Variants in FAT4 observed in about 807,000 individuals in gnomAD.
FAT4 encodes FAT atypical cadherin 4.
A neutral mutation model predicts 303.9 loss-of-function variants in FAT4; 84 were observed. That is an observed-to-expected ratio of 0.28 (90% confidence interval 0.23 to 0.33). The LOEUF is 0.33. Ranked by LOEUF, FAT4 falls within the 10% of genes least tolerant of loss-of-function variation. The pLI is 1.00. For synonymous variants in FAT4, 2,307 were observed against 2,298.8 expected, an observed-to-expected ratio of 1.00 and a Z score of -0.10; for missense variants, 6,005 against 6,146.8, an observed-to-expected ratio of 0.98 and a Z score of 0.77.
At position 125,381,208 on chromosome 4, in the gene FAT4, A is replaced by G. The variant is rs74479555; in HGVS notation, c.5176-17576A>G. Among the ~76,000 whole-genome samples, 124 of 152,302 alleles carry G rather than the reference A, an allele frequency of 8.1e-4. 1 individual carries two copies. In the East Asian group the frequency reaches 8.9e-3, roughly 11 times the overall value. On this transcript the variant is annotated intron_variant, in intron 2 of 17. Coordinates refer to ENST00000394329, the MANE Select transcript of FAT4 (RefSeq NM_001291303.3). ...GTCTCTTGGTATGTGAGTAGAAGAG[A>G]CAAAAAGAAAAAACTAATAATACAG...
At chr4:125,438,751 T>A (rs1725545153) in intron 8 of FAT4, among the ~76,000 whole-genome samples, 1 of 152,220 alleles carries the variant, frequency 6.6e-6, no homozygotes, top group South Asian at 2.1e-4. Flanking sequence ...TGATAAAATC[T>A]TAATGGAATA....
intron 2 of FAT4, among the ~76,000 whole-genome samples, chr4:125,322,563 G>T (rs1433114815): frequency 3.3e-5 from 5 of 152,066 alleles, no homozygotes; most frequent in African/African-American, 1.2e-4. Flanking sequence ...ACATTCTAGT[G>T]TCAGTCAGCC....
intron 2 of FAT4, among the ~76,000 whole-genome samples, chr4:125,323,022 C>A (rs1238949300): frequency 6.6e-6 from 1 of 152,062 alleles, no homozygotes. Context: ...TTGAAGTTAT[C>A]CATCTTCTAA....
chr4:125,354,486 C>T (rs767917227), intron 2 of FAT4, among the ~76,000 whole-genome samples: 2 of 151,566 alleles, frequency 1.3e-5, no homozygotes, highest in African/African-American at 4.8e-5. Flanking sequence ...ATATTGAACA[C>T]GCTCTCACTC....
chr4:125,490,305 C>G lies in FAT4; in HGVS notation c.13489C>G (p.Pro4497Ala), dbSNP rs1341066460. 1 of 1,613,964 alleles carries G rather than the reference C, an allele frequency of 6.2e-7. No homozygotes were observed. Among genetic ancestry groups the G allele is most frequent in the East Asian group, 2.2e-5 (1 of 44,842 alleles). ...GCATGTCTGTGTTCTGAGTCAGGGC[C>G]CTGAAGAGATCTCTCTGCCTTTGTG... ...AGHVCVLSQG[P>A]EEISLPLWAV... is the part of the protein sequence containing the mutation. Residue 4497 changes from proline (P) to alanine (A), a missense_variant, in exon 18 of 18, where the codon CCT becomes GCT. Coordinates refer to ENST00000394329, the MANE Select transcript of FAT4 (RefSeq NM_001291303.3).
At chr4:125,369,414 T>G (rs1733017859) in intron 2 of FAT4, among the ~76,000 whole-genome samples, 1 of 151,882 alleles carries the variant, frequency 6.6e-6, no homozygotes, top group Admixed American at 6.6e-5. Context: ...CCTGCCTGGG[T>G]GATACAGTGA....
chr4:125,432,563 G>A (rs1725316792), intron 7 of FAT4, among the ~76,000 whole-genome samples: 1 of 151,944 alleles, frequency 6.6e-6, no homozygotes, highest in South Asian at 2.1e-4. Context: ...TGAAATATTT[G>A]TTGCATAATT....
intron 2 of FAT4, among the ~76,000 whole-genome samples, chr4:125,337,060 C>T (rs998877682): frequency 6.6e-6 from 1 of 151,770 alleles, no homozygotes. Flanking sequence ...CATTTGGTTC[C>T]AAGGCTTTAG....
At chr4:125,430,208 A>G (rs749117582) in intron 7 of FAT4, among the ~76,000 whole-genome samples, 61 of 152,030 alleles carry the variant, frequency 4.0e-4, no homozygotes, top group Admixed American at 3.9e-4. Flanking sequence ...AACAACAAAA[A>G]CACAGCGTCT....
intron 12 of FAT4, among the ~76,000 whole-genome samples, chr4:125,474,210 A>T (rs1726954415): frequency 6.6e-6 from 1 of 152,034 alleles, no homozygotes; most frequent in African/African-American, 2.4e-5. Flanking sequence ...AAATATAATT[A>T]TGTTATCCAA....
intron 8 of FAT4, among the ~76,000 whole-genome samples, chr4:125,443,063 A>T (rs1475389131): frequency 6.6e-6 from 1 of 152,154 alleles, no homozygotes; most frequent in Admixed American, 6.5e-5. Flanking sequence ...GTCCAAGTGA[A>T]CTATGTTCTA....
At chr4:125,350,856 C>G (rs1455432206) in intron 2 of FAT4, among the ~76,000 whole-genome samples, 1 of 151,688 alleles carries the variant, frequency 6.6e-6, no homozygotes, top group Non-Finnish European at 1.5e-5. Context: ...TTCATCTTCC[C>G]CAATCAGACA....
At chr4:125,330,004 C>T (rs543124798) in intron 2 of FAT4, among the ~76,000 whole-genome samples, 1 of 152,302 alleles carries the variant, frequency 6.6e-6, no homozygotes, top group Admixed American at 6.5e-5. Context: ...CACCATCATT[C>T]TTCCCTTGGA....
At chr4:125,438,750 C>A (rs1725545059) in intron 8 of FAT4, among the ~76,000 whole-genome samples, 2 of 152,086 alleles carry the variant, frequency 1.3e-5, no homozygotes, top group Non-Finnish European at 2.9e-5. Flanking sequence ...TTGATAAAAT[C>A]TTAATGGAAT....
At chr4:125,462,654 T>C (rs529086544) in intron 10 of FAT4, among the ~76,000 whole-genome samples, 57 of 152,152 alleles carry the variant, frequency 3.7e-4, no homozygotes, top group African/African-American at 1.3e-3. Context: ...ACCATAGTTT[T>C]GTGAAACCTG....
At chr4:125,447,031 G>A (rs1725850557) in intron 9 of FAT4, among the ~76,000 whole-genome samples, 1 of 151,896 alleles carries the variant, frequency 6.6e-6, no homozygotes, top group South Asian at 2.1e-4. Flanking sequence ...TTAATAAATG[G>A]ATAATTCTTG....
rs186087892 is a variant in FAT4 at position 125,315,094 on chromosome 4, A to T, written c.-896A>T. On this transcript the variant is annotated 5_prime_UTR_variant, in exon 1 of 18. The change abolishes an upstream ATG in the 5' untranslated region. Coordinates refer to ENST00000394329, the MANE Select transcript of FAT4 (RefSeq NM_001291303.3). Reference sequence around the variant, plus strand: ...TGCGTGTGTATGTGTGTGTGTGTGCATGCCTGTGCGGCGGGGAAGGGGCGG... The same window carrying T: ...TGCGTGTGTATGTGTGTGTGTGTGCTTGCCTGTGCGGCGGGGAAGGGGCGG... Among the ~76,000 whole-genome samples, 1,360 of 151,792 alleles carry T rather than the reference A, an allele frequency of 9.0e-3. 24 individuals are homozygous for T. The highest frequency in any genetic ancestry group is 0.031 in the African/African-American group (1,303 of 41,406).
At position 125,451,155 on chromosome 4, in the gene FAT4, G is replaced by A. The variant is rs759749398; in HGVS notation, c.10145G>A (p.Ser3382Asn). The A allele has an allele frequency of 1.2e-6, 2 of 1,614,162 alleles. No individual in the cohort carries two copies. Among genetic ancestry groups the A allele is most frequent in the Admixed American group, 1.7e-5 (1 of 60,020 alleles). Residue 3382 changes from serine (S) to asparagine (N), a missense_variant, in exon 10 of 18, where the codon AGC becomes AAC. Transcript: ENST00000394329. ...SLKVLAKNFG[S>N]IRGADIDEVT... is the part of the protein sequence containing the mutation. ...AAGGTATTGGCCAAGAACTTTGGCA[G>A]CATTAGAGGTGCAGATATAGATGAG...
At chr4:125,411,011 A>G (rs145428514) in intron 5 of FAT4, among the ~76,000 whole-genome samples, 1 of 152,162 alleles carries the variant, frequency 6.6e-6, no homozygotes, top group Non-Finnish European at 1.5e-5. Context: ...TGTTTGTAAA[A>G]CTTTCCAGCT....
Sources: allele counts gnomAD v4.1 joint callset (sites outside exome capture counted in the v4.1 genomes callset), GRCh38; gene constraint gnomAD v4.1.1; transcripts MANE v1.5; gene names NCBI Gene and HGNC (gene_info 2026-07-23, HGNC 2026-07-21).